The following SLC30A8 variants were observed in gnomAD, a reference collection of about 807,000 sequenced individuals.
SLC30A8 encodes the protein proton-coupled zinc antiporter SLC30A8.
Under a neutral mutation model 36.9 loss-of-function variants are expected in SLC30A8, and 27 were observed. The ratio of observed to expected loss-of-function variants is 0.73; its 90% CI spans 0.54 to 1.01. The LOEUF is 1.01. Ranked by LOEUF, SLC30A8 falls within the 50% of genes least tolerant of loss-of-function variation. SLC30A8 has a pLI of 0.00. For synonymous variants in SLC30A8, 164 were observed against 172.4 expected (o/e 0.95, Z 0.38); for missense variants, 439 against 452.0 (o/e 0.97, Z 0.26).
At chr8:117,020,213 A>G (rs1167181604) in intron 1 of SLC30A8, among the ~76,000 whole-genome samples, 1 of 152,218 alleles carries the variant, frequency 6.6e-6, no homozygotes, top group South Asian at 2.1e-4. Context: ...ACATTTGGCT[A>G]CAAAGAAAAT....
At chr8:117,094,125 G>T (rs996224806) in intron 2 of SLC30A8, among the ~76,000 whole-genome samples, 1 of 152,232 alleles carries the variant, frequency 6.6e-6, no homozygotes, top group Non-Finnish European at 1.5e-5. Context: ...CCTAGGTTCG[G>T]GCTCCCCGAA....
intron 2 of SLC30A8, among the ~76,000 whole-genome samples, chr8:117,063,583 A>G (rs1225020026): frequency 2.0e-5 from 3 of 152,186 alleles, no homozygotes; most frequent in African/African-American, 7.2e-5. Flanking sequence ...AAATATTATA[A>G]CCTAGGTTTT....
rs778350440 is a variant in SLC30A8, at chr8:117,163,463, C to T, written c.762C>T (p.Ile254=). ...TAGCCGACCCAATCTGCACATTCAT[C>T]TTTTCCATCCTGGTCTTGGCCAGCA... ...YKIADPICTF[I]FSILVLASTI... is the part of the protein sequence containing the mutation. The change falls in exon 6 of 8, where the codon ATC becomes ATT. Residue 254 remains isoleucine (I), a synonymous_variant. Transcript: ENST00000456015. The T allele has an allele frequency of 6.2e-7, 1 of 1,613,602 alleles. No individual in the cohort carries two copies. The highest frequency in any genetic ancestry group is 1.1e-5 in the South Asian group (1 of 91,060).
chr8:117,113,027 A>C (rs1355439692), intron 2 of SLC30A8, among the ~76,000 whole-genome samples: 1 of 152,186 alleles, frequency 6.6e-6, no homozygotes, highest in Admixed American at 6.6e-5. Context: ...CTATGTGCCA[A>C]GCAGTGAGGA....
chr8:117,130,287 G>T (rs932969907), upstream of SLC30A8: 2 of 151,914 alleles, frequency 1.3e-5, no homozygotes, highest in Non-Finnish European at 2.9e-5. Context: ...TTGTCTCCTG[G>T]ACTATCTCCT....
At position 117,173,069 on chromosome 8, in the gene SLC30A8, A is replaced by C. The variant is rs113040697; in HGVS notation, c.*388A>C. 2,211 of 167,712 alleles carry C rather than the reference A, an allele frequency of 0.013. 34 individuals are homozygous for C. Among genetic ancestry groups the C allele is most frequent in the Middle Eastern group, 0.063 (23 of 366 alleles). The allele number at this position is 167,712 out of a possible 1,614,324, so 10.4% of individuals were successfully genotyped here. On this transcript the variant is annotated 3_prime_UTR_variant, in exon 8 of 8. Coordinates refer to ENST00000456015, the MANE Select transcript of SLC30A8 (RefSeq NM_173851.3). ...AAATCAGTGGAAGGGACAAATAGTCACAAAATTTTACCAAAACATTAGAAA... is the reference window on the plus strand; with the variant it reads ...AAATCAGTGGAAGGGACAAATAGTCCCAAAATTTTACCAAAACATTAGAAA...
At chr8:117,122,922 T>C (rs1820746469) in intron 2 of SLC30A8, among the ~76,000 whole-genome samples, 1 of 152,020 alleles carries the variant, frequency 6.6e-6, no homozygotes, top group African/African-American at 2.4e-5. Context: ...GAGCTTGTGA[T>C]GGTTTTTGCA....
At chr8:116,950,620 T>C (rs918363935), upstream of SLC30A8, 2 of 152,244 alleles carry the variant, frequency 1.3e-5, no homozygotes, top group Non-Finnish European at 2.9e-5. Flanking sequence ...TTTAGCAAAC[T>C]GTCAGAAAAC....
intron 1 of SLC30A8, among the ~76,000 whole-genome samples, chr8:116,981,492 G>A (rs1815258971): frequency 6.6e-6 from 1 of 152,144 alleles, no homozygotes; most frequent in Non-Finnish European, 1.5e-5. Flanking sequence ...CAGGAGTTTA[G>A]CATACAGATT....
intron 1 of SLC30A8, among the ~76,000 whole-genome samples, chr8:117,001,849 G>C (rs988144793): frequency 6.6e-5 from 10 of 152,108 alleles, no homozygotes; most frequent in Admixed American, 1.3e-4. Context: ...AGCTCTGCTA[G>C]GTGCTATGCT....
At chr8:117,155,569 G>C (rs1037762771) in intron 3 of SLC30A8, among the ~76,000 whole-genome samples, 1 of 152,158 alleles carries the variant, frequency 6.6e-6, no homozygotes, top group Non-Finnish European at 1.5e-5. Flanking sequence ...ACAGTATTTT[G>C]GGGGGTACAT....
chr8:117,159,454 C>T (rs552567008), intron 4 of SLC30A8, among the ~76,000 whole-genome samples: 115 of 152,160 alleles, frequency 7.6e-4, no homozygotes, highest in Non-Finnish European at 1.3e-3. Context: ...ATTCTAACAG[C>T]CTTGCCCCTT....
At chr8:117,080,631 C>G (rs1818643369) in intron 2 of SLC30A8, among the ~76,000 whole-genome samples, 1 of 152,168 alleles carries the variant, frequency 6.6e-6, no homozygotes, top group Non-Finnish European at 1.5e-5. Context: ...ATAATGGCCT[C>G]CAGCTGCATC....
intron 3 of SLC30A8, among the ~76,000 whole-genome samples, chr8:117,153,723 G>GGGGTGT (rs1554591091): frequency 2.2e-4 from 32 of 147,006 alleles, no homozygotes; most frequent in African/African-American, 7.0e-4. Flanking sequence ...CATGATAAGG[G>GGGGTGT]GTGTGTGTGT....
intron 2 of SLC30A8, among the ~76,000 whole-genome samples, chr8:117,088,475 G>T (rs1818969574): frequency 6.6e-6 from 1 of 152,098 alleles, no homozygotes; most frequent in Non-Finnish European, 1.5e-5. Flanking sequence ...CCTGCCGAGA[G>T]CTGCTACTTC....
chr8:116,978,380 T>G (rs1048447227), intron 1 of SLC30A8, among the ~76,000 whole-genome samples: 1 of 152,086 alleles, frequency 6.6e-6, no homozygotes, highest in Non-Finnish European at 1.5e-5. Context: ...CATCATTGAA[T>G]AGAAATGAAG....
intron 1 of SLC30A8, among the ~76,000 whole-genome samples, chr8:116,966,748 A>G (rs1482771384): frequency 6.6e-6 from 1 of 152,238 alleles, no homozygotes; most frequent in Non-Finnish European, 1.5e-5. Flanking sequence ...TATTTTCCCA[A>G]TAATAGAAGA....
intron 1 of SLC30A8, among the ~76,000 whole-genome samples, chr8:116,973,446 A>G (rs1814862672): frequency 6.6e-6 from 1 of 152,192 alleles, no homozygotes; most frequent in Admixed American, 6.5e-5. Flanking sequence ...CAATTACTTC[A>G]AAGAGAATAA....
intron 1 of SLC30A8, among the ~76,000 whole-genome samples, chr8:117,023,949 A>C (rs1036090736): frequency 9.2e-5 from 14 of 152,154 alleles, no homozygotes; most frequent in Non-Finnish European, 4.4e-5. Flanking sequence ...TTTGATAGAA[A>C]CTACCAGTTT....
Sources: gnomAD v4.1 joint callset for allele counts (sites outside exome capture counted in the v4.1 genomes callset) on GRCh38, gnomAD v4.1.1 for gene constraint, MANE v1.5 for transcripts, NCBI Gene and HGNC (gene_info 2026-07-23, HGNC 2026-07-21) for gene names.